Variants in MYO18A observed in about 807,000 individuals in gnomAD.
MYO18A encodes the protein myosin XVIIIA.
A neutral mutation model predicts 235.8 loss-of-function variants in MYO18A; 78 were observed. That is an observed-to-expected ratio of 0.33 (90% CI 0.28 to 0.40). The LOEUF is 0.40. Among genes scored for constraint, MYO18A ranks in the 10% least tolerant of loss-of-function variants. MYO18A has a pLI of 1.00. For synonymous variants in MYO18A, 977 were observed against 1,077.8 expected, an observed-to-expected ratio of 0.91 and a Z score of 1.83; for missense variants, 2,215 against 2,699.3, an observed-to-expected ratio of 0.82 and a Z score of 3.98.
intron 1 of MYO18A, 78 bp from the exon 2 acceptor site, chr17:29,167,099 A>T: frequency 1.0e-6 from 1 of 981,728 alleles, no homozygotes; most frequent in African/African-American, 1.6e-5. Context: ...TAACCAAATG[A>T]TACAGCTACT....
intron 2 of MYO18A, chr17:29,128,641 A>C: frequency 2.1e-6 from 2 of 944,542 alleles, no homozygotes; most frequent in Non-Finnish European, 2.8e-6. Context: ...CACGCCCTGG[A>C]ACAGATCTCC....
At position 29,110,590 on chromosome 17, in the gene MYO18A, G is replaced by A; in HGVS notation, c.2933C>T (p.Ala978Val). ...GCCAGAGAGCACCGTGGCACTGCCT[G>A]CGCGGCCCAGAAACAGGTTGCTGAT... ...KIISNLFLGR[A>V]GSATVLSGSI... Residue 978 changes from alanine (A) to valine (V), a missense_variant, in exon 18 of 42, where the codon GCA (alanine) becomes GTA (valine). By Grantham distance (64) the Ala-to-Val change is moderately conservative. Transcript: ENST00000527372. 6.2e-7 allele frequency: 1 copy of A among 1,609,308 alleles called. No individual in the cohort carries two copies. The highest frequency in any genetic ancestry group is 2.2e-5 in the East Asian group (1 of 44,712).
In MYO18A at chr17:29,097,780, A is replaced by C. The variant is rs1190571613; in HGVS notation, c.4102+8T>G. The C allele has an allele frequency of 6.2e-7, 1 of 1,607,024 alleles. No individual in the cohort carries two copies. Among genetic ancestry groups the C allele is most frequent in the Non-Finnish European group, 8.5e-7 (1 of 1,176,382 alleles). On this transcript the variant is annotated splice_region_variant and intron_variant, in intron 26 of 41. Coordinates refer to ENST00000527372, the MANE Select transcript of MYO18A (RefSeq NM_078471.4). ...GCCACTGCCGAGCTCCTTGGGCCTC[A>C]GGCCCACCTGCATCATCATCATCCA...
At chr17:29,163,005 G>A (rs1337197436) in intron 2 of MYO18A, among the ~76,000 whole-genome samples, 1 of 152,204 alleles carries the variant, frequency 6.6e-6, no homozygotes, top group African/African-American at 2.4e-5. Context: ...CCCCATCTGT[G>A]TGCAGGAAGA....
At chr17:29,090,477 C>A (rs969276293) in intron 36 of MYO18A, 55 bp downstream of exon 36, 2 of 1,495,610 alleles carry the variant, frequency 1.3e-6, no homozygotes, top group Non-Finnish European at 1.8e-6. Flanking sequence ...GGGGTTCCTC[C>A]CACACCTAGT....
intron 41 of MYO18A, chr17:29,076,061 C>A (rs1043055712): frequency 2.5e-5 from 4 of 157,700 alleles, no homozygotes; most frequent in African/African-American, 9.7e-5. Context: ...GCAAGAACCA[C>A]CTTCTTAGCT....
chr17:29,166,223 T>C lies in MYO18A; in HGVS notation c.718A>G (p.Met240Val). The part of the protein sequence containing the change: ...DFGFSLRRTT[M>V]LDRGPEGQAC... ...TGGCCCTCGGGGCCCCGATCCAGCA[T>C]GGTTGTGCGCCGCAGGGAGAAGCCA... The change falls in exon 2 of 42, where the codon ATG (methionine) becomes GTG (valine). Residue 240 changes from methionine (M) to valine (V), a missense_variant. Transcript: ENST00000527372. 6.2e-7 allele frequency: 1 copy of C among 1,612,976 alleles called. No homozygotes were observed. Among genetic ancestry groups the C allele is most frequent in the African/African-American group, 1.3e-5 (1 of 75,068 alleles).
rs2066916976 is a variant in MYO18A, at chr17:29,111,085, CCT to C, written c.2900+337_2900+338del. 6.6e-6 allele frequency among the ~76,000 whole-genome samples: 1 copy of C among 152,180 alleles called. No individual in the cohort carries two copies. ...ATTATCTGCCAAGCACCTAGAAGCCCCTGTCGCAGGGTAGGTGCCCACTAACC... is the reference window on the plus strand; with the variant it reads ...ATTATCTGCCAAGCACCTAGAAGCCCGTCGCAGGGTAGGTGCCCACTAACC... On this transcript the variant is annotated intron_variant, in intron 17 of 41. Transcript: ENST00000527372. The surrounding 1 kb of genome is among the most constrained non-coding windows in gnomAD (Gnocchi z 5.1).
chr17:29,133,851 C>A, intron 2 of MYO18A: 3 of 1,289,318 alleles, frequency 2.3e-6, no homozygotes, highest in Non-Finnish European at 3.0e-6. Flanking sequence ...CTGAAGGTAA[C>A]CTGTGCCCTG....
At chr17:29,090,157 G>A (rs895087875) in intron 36 of MYO18A, 59 bp from the exon 37 acceptor site, 19 of 1,556,812 alleles carry the variant, frequency 1.2e-5, no homozygotes, top group South Asian at 7.1e-5. Context: ...AGGAGACTGC[G>A]TCTGGGGCAG....
Position 29,125,377 on chromosome 17 carries a change from A to G in MYO18A, c.1000-3124T>C, listed in dbSNP as rs548331766. 6.6e-6 allele frequency among the ~76,000 whole-genome samples: 1 copy of G among 152,190 alleles called. No homozygotes were observed. The highest frequency in any genetic ancestry group is 1.5e-5 in the Non-Finnish European group (1 of 68,026). ...CTAGATCCAACCTGGGGACCACTTG[A>G]CAGCTGCCCAAGAGCAAAGGCACTG... On this transcript the variant is annotated intron_variant, in intron 2 of 41. Transcript: ENST00000527372. The surrounding 1 kb of genome is among the most constrained non-coding windows in gnomAD (Gnocchi z 5.1).
At chr17:29,080,299 C>T (rs1352361486) in intron 41 of MYO18A, 2 of 985,932 alleles carry the variant, frequency 2.0e-6, no homozygotes, top group African/African-American at 1.7e-5. Flanking sequence ...GTAGGAGTGA[C>T]GGCTGACGGA....
At chr17:29,100,280 G>A (rs1210280201) in intron 21 of MYO18A, among the ~76,000 whole-genome samples, 4 of 152,194 alleles carry the variant, frequency 2.6e-5, no homozygotes, top group South Asian at 2.1e-4. Context: ...GGAGCGCAGC[G>A]TGCAGAGGAA....
chr17:29,122,528 G>A (rs1315759123), intron 2 of MYO18A, among the ~76,000 whole-genome samples: 1 of 152,148 alleles, frequency 6.6e-6, no homozygotes, highest in Non-Finnish European at 1.5e-5. Context: ...AGGGACACAG[G>A]GATCTTGTGC....
At chr17:29,097,472 C>G (rs1428738286) in intron 26 of MYO18A, 122 bp from the exon 27 acceptor site, 4 of 1,330,458 alleles carry the variant, frequency 3.0e-6, no homozygotes, top group Non-Finnish European at 2.1e-6. Context: ...AGAAAGCTCT[C>G]TGCAATGATG....
At position 29,097,814 on chromosome 17, in the gene MYO18A, T is replaced by C. The variant is rs768183969; in HGVS notation, c.4076A>G (p.Asn1359Ser). The C allele has an allele frequency of 1.2e-6, 2 of 1,613,476 alleles. No homozygotes were observed. The highest frequency in any genetic ancestry group is 3.3e-5 in the Admixed American group (2 of 59,934). The stretch of plus-strand genomic sequence containing the variant: ...TGCATCATCATCATCCACTTCCCCG[T>C]TGATCTCCGCTGCCCGGATGAGACG... ...EARLIRAAEI[N>S]GEVDDDDAGG... Residue 1359 changes from asparagine to serine, a missense_variant, in exon 26 of 42, where the codon AAC becomes AGC. By Grantham distance (46) the Asn-to-Ser change is conservative (BLOSUM62 1). Coordinates refer to ENST00000527372, the MANE Select transcript of MYO18A (RefSeq NM_078471.4).
intron 2 of MYO18A, among the ~76,000 whole-genome samples, chr17:29,159,209 G>T (rs7213596): frequency 4.9e-4 from 75 of 152,206 alleles, no homozygotes; most frequent in African/African-American, 1.8e-3. Flanking sequence ...CCCTGGAAAT[G>T]ATCTAGTCCA....
chr17:29,171,251 C>A (rs1041934351), intron 1 of MYO18A, among the ~76,000 whole-genome samples: 1 of 151,904 alleles, frequency 6.6e-6, no homozygotes, highest in Non-Finnish European at 1.5e-5. Context: ...AGATCGAGAC[C>A]ATCCTGAAAC....
intron 40 of MYO18A, among the ~76,000 whole-genome samples, chr17:29,085,053 C>T (rs2066219506): frequency 6.6e-6 from 1 of 152,230 alleles, no homozygotes; most frequent in African/African-American, 2.4e-5. Context: ...CCCGCCACGG[C>T]AAGCAGCCCA....
Sources: gnomAD v4.1 joint callset for allele counts (sites outside exome capture counted in the v4.1 genomes callset) on GRCh38, gnomAD v4.1.1 for gene constraint, Gnocchi (gnomAD v3.1) non-coding constraint, MANE v1.5 for transcripts, NCBI Gene and HGNC (gene_info 2026-07-23, HGNC 2026-07-21) for gene names.